Variants in BAIAP2 observed in about 807,000 individuals in gnomAD.
BAIAP2 encodes the protein BAR/IMD domain-containing adapter protein 2.
A neutral mutation model predicts 63.0 loss-of-function variants in BAIAP2; 18 were observed. The observed-to-expected ratio is 0.29, with a 90% CI of 0.20 to 0.42. The LOEUF (loss-of-function observed/expected upper bound fraction) is 0.42, where lower values mean the gene tolerates loss of function less well. Ranked by LOEUF, BAIAP2 falls within the 10% of genes least tolerant of loss-of-function variation. BAIAP2 has a pLI of 1.00. For synonymous variants in BAIAP2, 386 were observed against 307.6 expected, an observed-to-expected ratio of 1.25 and a Z score of -2.67; for missense variants, 610 against 734.3, an observed-to-expected ratio of 0.83 and a Z score of 1.96.
At chr17:81,062,886 G>T (rs914405494) in intron 3 of BAIAP2, among the ~76,000 whole-genome samples, 9 of 151,982 alleles carry the variant, frequency 5.9e-5, no homozygotes, top group Non-Finnish European at 8.8e-5. Context: ...GGGCCACCTT[G>T]GTGCTGATTT....
At chr17:81,099,002 A>ATCCCCCCT (rs2058109739) in intron 6 of BAIAP2, among the ~76,000 whole-genome samples, 1 of 29,176 alleles carries the variant, frequency 3.4e-5, no homozygotes, top group Non-Finnish European at 7.0e-5. Flanking sequence ...CCATCCCCCC[A>ATCCCCCCT]TCCCACGGGG....
intron 2 of BAIAP2, 89 bp from the exon 3 acceptor site, chr17:81,057,792 C>A: frequency 6.6e-7 from 1 of 1,507,628 alleles, no homozygotes. Flanking sequence ...CAGGGTTGGG[C>A]CTGTGCGTGC....
At chr17:81,079,144 C>T (rs1327437132) in intron 3 of BAIAP2, among the ~76,000 whole-genome samples, 1 of 152,188 alleles carries the variant, frequency 6.6e-6, no homozygotes, top group East Asian at 1.9e-4. Context: ...CCGGGCATGC[C>T]TGGGGCCTGG....
At position 81,116,604 on chromosome 17, in the gene BAIAP2, C is replaced by T. The variant is rs1438595463; in HGVS notation, c.*765C>T. The T allele has an allele frequency of 4.4e-6, 2 of 453,148 alleles. No homozygotes were observed. Among genetic ancestry groups the T allele is most frequent in the African/African-American group, 3.9e-5 (2 of 50,990 alleles). The allele number at this position is 453,148 out of a possible 1,614,324, so 28.1% of individuals were successfully genotyped here. On this transcript the variant is annotated 3_prime_UTR_variant, in exon 14 of 14. Transcript: ENST00000428708. Reference sequence around the variant, plus strand: ...TGCCCGCTGGCAGGTGGGGGCTTCCCCGCTTCCGGGGTCTGCCCCAGGACT... The same window carrying T: ...TGCCCGCTGGCAGGTGGGGGCTTCCTCGCTTCCGGGGTCTGCCCCAGGACT...
chr17:81,085,571 C>A, intron 4 of BAIAP2, 83 bp from the exon 5 acceptor site: 1 of 1,182,938 alleles, frequency 8.5e-7, no homozygotes, highest in Non-Finnish European at 1.3e-6. Context: ...GTCTCGTGCC[C>A]ATCCGCTCTA....
chr17:81,043,382 G>C (rs188885247), intron 1 of BAIAP2, among the ~76,000 whole-genome samples: 2 of 152,232 alleles, frequency 1.3e-5, no homozygotes, highest in Non-Finnish European at 2.9e-5. Flanking sequence ...GCCTCCACCT[G>C]TCCTGCTCCT....
At chr17:81,052,390 G>C (rs1353919236) in intron 1 of BAIAP2, among the ~76,000 whole-genome samples, 1 of 152,258 alleles carries the variant, frequency 6.6e-6, no homozygotes, top group African/African-American at 2.4e-5. Flanking sequence ...GTGGCCTCTG[G>C]GCTAGCACGC....
In BAIAP2 at chr17:81,115,827, C is replaced by G; in HGVS notation, c.1593C>G (p.Pro531=). ...KPTVTNDRSA[P]LLS is the part of the protein sequence containing the mutation. ...CAGTGACCAACGACAGGTCTGCCCCCCTCCTCAGCTGATGGCCACATCTGC... is the reference window on the plus strand; with the variant it reads ...CAGTGACCAACGACAGGTCTGCCCCGCTCCTCAGCTGATGGCCACATCTGC... Residue 531 remains proline, a synonymous_variant, in exon 14 of 14, where the codon CCC becomes CCG. Transcript: ENST00000428708. 6.2e-7 allele frequency: 1 copy of G among 1,613,490 alleles called. No homozygotes were observed. The highest frequency in any genetic ancestry group is 8.5e-7 in the Non-Finnish European group (1 of 1,179,984).
At chr17:81,092,124 G>A (rs912864654) in intron 6 of BAIAP2, among the ~76,000 whole-genome samples, 5 of 152,210 alleles carry the variant, frequency 3.3e-5, no homozygotes, top group Non-Finnish European at 4.4e-5. Flanking sequence ...TGGGTGTCTC[G>A]AAGTGATTGC....
chr17:81,105,345 C>T (rs73367929), intron 10 of BAIAP2: 10,148 of 153,882 alleles, frequency 0.066, 555 homozygotes, highest in African/African-American at 0.16. Flanking sequence ...CACGTCCAGC[C>T]GAAGCCCTGT....
intron 3 of BAIAP2, among the ~76,000 whole-genome samples, chr17:81,084,174 G>A (rs2055148984): frequency 6.6e-6 from 1 of 152,196 alleles, no homozygotes; most frequent in African/African-American, 2.4e-5. Context: ...GGCCCTCAGC[G>A]ATGGCAAGGC....
intron 1 of BAIAP2, among the ~76,000 whole-genome samples, chr17:81,048,495 C>T (rs763379526): frequency 6.6e-6 from 1 of 152,124 alleles, no homozygotes; most frequent in Non-Finnish European, 1.5e-5. Flanking sequence ...CCCTTTGTTC[C>T]CCAAGTTGGG....
intron 8 of BAIAP2, 91 bp from the exon 9 acceptor site, chr17:81,103,816 G>A: frequency 1.3e-6 from 2 of 1,589,628 alleles, no homozygotes; most frequent in Non-Finnish European, 8.6e-7. Context: ...GAGTCCAGGG[G>A]CCCCTGCTGA....
intron 6 of BAIAP2, among the ~76,000 whole-genome samples, 169 bp from the exon 7 acceptor site, chr17:81,099,759 C>A (rs2058237607): frequency 6.6e-6 from 1 of 152,136 alleles, no homozygotes; most frequent in South Asian, 2.1e-4. Context: ...GTAGCTGAAG[C>A]CTCCTGGGGG....
chr17:81,038,523 G>A (rs1022657040), intron 1 of BAIAP2, among the ~76,000 whole-genome samples: 1 of 152,188 alleles, frequency 6.6e-6, no homozygotes, highest in African/African-American at 2.4e-5. Context: ...TCCTTGTGCC[G>A]AGGCTCTTGG....
At chr17:81,042,912 C>T (rs748238639) in intron 1 of BAIAP2, among the ~76,000 whole-genome samples, 9 of 151,952 alleles carry the variant, frequency 5.9e-5, no homozygotes, top group Non-Finnish European at 1.2e-4. Context: ...AAGACAGAGT[C>T]TTGTTCTGTC....
chr17:81,065,607 C>CTCCACCCCCT (rs1435418303), intron 3 of BAIAP2, among the ~76,000 whole-genome samples: 2 of 152,242 alleles, frequency 1.3e-5, no homozygotes, highest in African/African-American at 4.8e-5. Flanking sequence ...GAGCACACCC[C>CTCCACCCCCT]TCCACCCCCT....
chr17:81,095,812 C>CGGG (rs1427140516), intron 6 of BAIAP2, among the ~76,000 whole-genome samples: 1 of 152,162 alleles, frequency 6.6e-6, no homozygotes, highest in Admixed American at 6.5e-5. Flanking sequence ...CAGCCATTTA[C>CGGG]GGGGCTCCTT....
intron 7 of BAIAP2, 149 bp downstream of exon 7, chr17:81,100,229 G>A: frequency 8.2e-7 from 1 of 1,214,404 alleles, no homozygotes; most frequent in Non-Finnish European, 1.1e-6. Flanking sequence ...TGGGGGTGAA[G>A]TTCTGGGAGA....
Sources: gnomAD v4.1 joint callset for allele counts (sites outside exome capture counted in the v4.1 genomes callset) on GRCh38, gnomAD v4.1.1 for gene constraint, MANE v1.5 for transcripts, NCBI Gene and HGNC (gene_info 2026-07-23, HGNC 2026-07-21) for gene names.